The following SRGAP1 variants were observed in gnomAD, a reference collection of about 807,000 sequenced individuals.
The protein encoded by SRGAP1 is SLIT-ROBO Rho GTPase activating protein 1.
A neutral mutation model predicts 121.9 loss-of-function variants in SRGAP1; 43 were observed. That is an observed-to-expected ratio of 0.35 (90% CI 0.28 to 0.46). The LOEUF (loss-of-function observed/expected upper bound fraction) is 0.46, where lower values mean the gene tolerates loss of function less well. Ranked by LOEUF, SRGAP1 falls within the 20% of genes least tolerant of loss-of-function variation. SRGAP1 has a pLI of 1.00. For synonymous variants in SRGAP1, 447 were observed against 485.4 expected (o/e 0.92, Z 1.04); for missense variants, 1,102 against 1,350.9 (o/e 0.82, Z 2.89).
intron 12 of SRGAP1, 66 bp downstream of exon 12, chr12:64,091,444 G>A: frequency 8.6e-7 from 1 of 1,164,248 alleles, no homozygotes. Flanking sequence ...TCAGCCTCTT[G>A]TAAGAGGAGG....
At chr12:63,952,184 T>A (rs2032321261) in intron 1 of SRGAP1, among the ~76,000 whole-genome samples, 1 of 152,054 alleles carries the variant, frequency 6.6e-6, no homozygotes, top group African/African-American at 2.4e-5. Context: ...GTAGCCCTAG[T>A]GTACCAAAAA....
chr12:63,890,707 C>T (rs1900550097), intron 1 of SRGAP1, among the ~76,000 whole-genome samples: 1 of 152,124 alleles, frequency 6.6e-6, no homozygotes, highest in Admixed American at 6.5e-5. Flanking sequence ...CTGCCTGAGC[C>T]CCCATCCCTG....
At chr12:64,078,896 G>T in intron 8 of SRGAP1, 23 bp from the exon 9 acceptor site, 2 of 1,605,742 alleles carry the variant, frequency 1.2e-6, no homozygotes, top group East Asian at 2.2e-5. Flanking sequence ...GTACTAACGT[G>T]AGAAATGTAT....
chr12:64,072,214 A>G (rs1271654709), intron 8 of SRGAP1, among the ~76,000 whole-genome samples: 1 of 150,294 alleles, frequency 6.7e-6, no homozygotes, highest in Non-Finnish European at 1.5e-5. Context: ...GCTGTAATTG[A>G]AATACATTCA....
Position 64,115,866 on chromosome 12 carries a change from G to A in SRGAP1, c.2197G>A (p.Gly733Ser). 6.2e-7 allele frequency: 1 copy of A among 1,613,402 alleles called. No individual in the cohort carries two copies. The highest frequency in any genetic ancestry group is 8.5e-7 in the Non-Finnish European group (1 of 1,179,648). ...ATTGGAGGAAGTGGACCAAGATGCT[G>A]GTACAGAGCCCCACACAAGTGAAGA... ...GTLEEVDQDA[G>S]TEPHTSEDEC... Residue 733 changes from glycine (G) to serine (S), a missense_variant, in exon 18 of 22, where the codon GGT becomes AGT. Around this residue, in one of 3 missense-constraint regions of SRGAP1, gnomAD observed 747 missense variants for 929.4 expected, o/e 0.80. Coordinates refer to ENST00000355086, the MANE Select transcript of SRGAP1 (RefSeq NM_020762.4).
intron 6 of SRGAP1, among the ~76,000 whole-genome samples, chr12:64,044,699 T>TTTTTTTTTTA (rs1463008430): frequency 1.4e-5 from 2 of 138,594 alleles, no homozygotes; most frequent in African/African-American, 5.6e-5. Context: ...TTTTTTTTTT[T>TTTTTTTTTTA]AAGACAGAGT....
chr12:63,927,941 G>A (rs2031321634), intron 1 of SRGAP1, among the ~76,000 whole-genome samples: 1 of 152,122 alleles, frequency 6.6e-6, no homozygotes, highest in African/African-American at 2.4e-5. Context: ...AGAATGCATT[G>A]TGAATCTTCA....
chr12:64,032,548 G>A, intron 4 of SRGAP1: 2 of 1,113,370 alleles, frequency 1.8e-6, no homozygotes, highest in Non-Finnish European at 1.3e-6. Context: ...CCAAGGCAGT[G>A]CCTTGACCAG....
At chr12:64,000,275 TAAAA>T (rs1555163999) in intron 3 of SRGAP1, among the ~76,000 whole-genome samples, 106 of 133,356 alleles carry the variant, frequency 7.9e-4, no homozygotes, top group African/African-American at 1.2e-3. Flanking sequence ...TGTGTGTGTG[TAAAA>T]AAAAAAAACC....
chr12:63,884,499 G>A (rs962785460), intron 1 of SRGAP1, among the ~76,000 whole-genome samples: 5 of 152,044 alleles, frequency 3.3e-5, no homozygotes, highest in East Asian at 3.9e-4. Flanking sequence ...TAGTTAGTGC[G>A]CCCAGCACCT....
At chr12:64,066,666 G>A (rs899060492) in intron 8 of SRGAP1, among the ~76,000 whole-genome samples, 3 of 152,068 alleles carry the variant, frequency 2.0e-5, no homozygotes, top group Admixed American at 6.6e-5. Context: ...CTATTATTCC[G>A]AGTAGAAACA....
At chr12:63,950,638 G>GT (rs2032256402) in intron 1 of SRGAP1, among the ~76,000 whole-genome samples, 2 of 152,018 alleles carry the variant, frequency 1.3e-5, no homozygotes, top group South Asian at 4.2e-4. Context: ...GTGTCCCTCC[G>GT]TGCCCTCCTT....
intron 8 of SRGAP1, among the ~76,000 whole-genome samples, chr12:64,075,890 A>G (rs2035728396): frequency 6.6e-6 from 1 of 151,664 alleles, no homozygotes; most frequent in South Asian, 2.1e-4. Flanking sequence ...ACTAATTGCT[A>G]CTGTTTCTTT....
chr12:63,996,120 T>A (rs1444314383), intron 3 of SRGAP1, among the ~76,000 whole-genome samples: 2 of 151,856 alleles, frequency 1.3e-5, no homozygotes, highest in Non-Finnish European at 2.9e-5. Flanking sequence ...TAAAAATAGA[T>A]ATAGATTGTA....
rs552516377 is a variant in SRGAP1, at chr12:63,966,741, G to A, written c.68-17206G>A. ...TAACATGAAGGGAGAGGTTTGTTGA[G>A]TGGAAATGGGTGGTGATACTGGAAG... On this transcript the variant is annotated intron_variant, in intron 1 of 21. Transcript: ENST00000355086. Among the ~76,000 whole-genome samples, 7 of 152,296 alleles carry A rather than the reference G, an allele frequency of 4.6e-5. No individual in the cohort carries two copies. The South Asian group carries it at 1.4e-3, about 32-fold the overall frequency.
intron 10 of SRGAP1, among the ~76,000 whole-genome samples, chr12:64,086,054 T>A (rs950291813): frequency 1.3e-5 from 2 of 152,254 alleles, no homozygotes; most frequent in Admixed American, 1.3e-4. Flanking sequence ...ACAAGCCAGC[T>A]TTCTTTACCA....
intron 4 of SRGAP1, among the ~76,000 whole-genome samples, chr12:64,022,108 G>A (rs2034562672): frequency 6.6e-6 from 1 of 152,104 alleles, no homozygotes; most frequent in African/African-American, 2.4e-5. Flanking sequence ...GCTTCTCTGG[G>A]CACCTGTATT....
intron 8 of SRGAP1, among the ~76,000 whole-genome samples, chr12:64,068,298 T>C (rs79544256): frequency 9.4e-5 from 5 of 53,012 alleles, no homozygotes; most frequent in Non-Finnish European, 1.5e-4. Context: ...AAAAAAAAAG[T>C]AGTAGGCACC....
chr12:63,865,409 C>T (rs566161381), intron 1 of SRGAP1, among the ~76,000 whole-genome samples: 15 of 151,940 alleles, frequency 9.9e-5, no homozygotes, highest in Non-Finnish European at 1.6e-4. Context: ...GTGGAGGTTG[C>T]GGTGAGCCGA....
Sources: allele counts gnomAD v4.1 joint callset (sites outside exome capture counted in the v4.1 genomes callset), GRCh38; gene constraint gnomAD v4.1.1; regional missense constraint gnomAD v4.1.1; transcripts MANE v1.5; gene names NCBI Gene and HGNC (gene_info 2026-07-23, HGNC 2026-07-21).